The following COP1 variants were observed in gnomAD, a reference collection of about 807,000 sequenced individuals.
COP1 encodes E3 ubiquitin-protein ligase COP1.
In COP1, 24 loss-of-function variants were observed where a neutral mutation model predicts 101.3. That is an observed-to-expected ratio of 0.24 (90% CI 0.17 to 0.33). COP1 has a LOEUF of 0.33. COP1 is among the 10% of genes least tolerant of loss of function. The probability of loss-of-function intolerance (pLI) is 1.00; values close to 1 mark genes in which losing one functional copy is unlikely to be tolerated. For missense variants in COP1, 663 were observed against 906.2 expected (o/e 0.73, Z 3.45); for synonymous variants, 347 against 341.9 (o/e 1.01, Z -0.17).
At chr1:176,072,679 A>G (rs1677216420) in intron 11 of COP1, among the ~76,000 whole-genome samples, 1 of 152,230 alleles carries the variant, frequency 6.6e-6, no homozygotes, top group Non-Finnish European at 1.5e-5. Flanking sequence ...CAAGCACTCT[A>G]CAATAAGGAA....
chr1:175,956,716 C>T (rs986875593), intron 18 of COP1, among the ~76,000 whole-genome samples: 1 of 152,006 alleles, frequency 6.6e-6, no homozygotes, highest in Non-Finnish European at 1.5e-5. Context: ...GATGGTGGTC[C>T]AATAAGATTA....
At chr1:176,136,586 AGCCTAAGCCAAACC>A in intron 6 of COP1, 39 bp from the exon 7 acceptor site, 2 of 1,366,454 alleles carry the variant, frequency 1.5e-6, no homozygotes, top group Non-Finnish European at 2.0e-6. Flanking sequence ...AAAAAAAAAA[AGCCTAAGCCAAACC>A]AAAATGGCAT....
At chr1:176,024,641 C>CAA (rs1667365190) in intron 15 of COP1, among the ~76,000 whole-genome samples, 1 of 152,090 alleles carries the variant, frequency 6.6e-6, no homozygotes, top group Non-Finnish European at 1.5e-5. Flanking sequence ...TACAATAAAG[C>CAA]AAAATGGCAT....
At chr1:176,170,074 G>A (rs1695807559) in intron 3 of COP1, among the ~76,000 whole-genome samples, 1 of 152,172 alleles carries the variant, frequency 6.6e-6, no homozygotes, top group African/African-American at 2.4e-5. Context: ...GATAGTACAG[G>A]AAAATTCAGT....
At chr1:176,057,321 CTCCCTCTCCCTCTCCCCACGGAT>C (rs1341735133) in intron 11 of COP1, among the ~76,000 whole-genome samples, 1 of 152,086 alleles carries the variant, frequency 6.6e-6, no homozygotes, top group Non-Finnish European at 1.5e-5. Flanking sequence ...ACCTCTCCCT[CTCCCTCTCCCTCTCCCCACGGAT>C]TCCCTCTCCC....
At chr1:176,027,817 T>C (rs1322280960) in intron 14 of COP1, 129 bp from the exon 15 acceptor site, 4 of 640,394 alleles carry the variant, frequency 6.2e-6, no homozygotes, top group African/African-American at 1.8e-5. Context: ...TTTGGTTTAC[T>C]AGGACTAAAA....
At chr1:176,165,442 C>A (rs772865351) in intron 3 of COP1, among the ~76,000 whole-genome samples, 84 of 149,388 alleles carry the variant, frequency 5.6e-4, no homozygotes, top group Admixed American at 8.7e-4. Context: ...ATATAGTCAT[C>A]CCAGCACTTT....
chr1:175,955,279 C>G (rs1027231126), intron 18 of COP1, among the ~76,000 whole-genome samples: 3 of 152,076 alleles, frequency 2.0e-5, no homozygotes, highest in African/African-American at 7.2e-5. Flanking sequence ...AATCACAACA[C>G]AGAAAATGCA....
chr1:176,187,528 C>G (rs932863554), intron 1 of COP1, among the ~76,000 whole-genome samples: 3 of 152,058 alleles, frequency 2.0e-5, no homozygotes, highest in African/African-American at 7.2e-5. Context: ...GGATTATAGG[C>G]ATGAGCCACT....
rs1690460959 is a variant in COP1 at position 176,140,248 on chromosome 1, T to A, written c.832-3701A>T. Among the ~76,000 whole-genome samples, 3 of 152,124 alleles carry A rather than the reference T, an allele frequency of 2.0e-5. No homozygotes were observed. In the South Asian group the frequency reaches 6.2e-4, roughly 31 times the overall value. On this transcript the variant is annotated intron_variant, in intron 6 of 19. Coordinates refer to ENST00000367669, the MANE Select transcript of COP1 (RefSeq NM_022457.7). Reference sequence around the variant, plus strand: ...GTGAACCTCATAAAACTGCCAATAATAAAACAATTTTTACTTCAAAAACAG... The same window carrying A: ...GTGAACCTCATAAAACTGCCAATAAAAAAACAATTTTTACTTCAAAAACAG...
In COP1 at chr1:175,989,566, A is replaced by G. The variant is rs181761493; in HGVS notation, c.1730-87T>C. 1,498 of 715,448 alleles carry G rather than the reference A, an allele frequency of 2.1e-3. 15 individuals carry two copies. In the African/African-American group the frequency reaches 0.023, roughly 11 times the overall value. 44.3% of individuals were successfully genotyped at this position (715,448 alleles called of 1,614,324 possible). A position where few individuals can be genotyped will look rare whatever the true frequency, so the allele number is the denominator to read the frequency against. On this transcript the variant is annotated intron_variant, in intron 15 of 19. Transcript: ENST00000367669. ...TAACTGGTTTTTGGTTTTTTCATTA[A>G]AAGTTTCACATATGATGTCTAATCT...
intron 15 of COP1, among the ~76,000 whole-genome samples, chr1:175,994,446 T>G (rs894935258): frequency 6.6e-6 from 1 of 152,122 alleles, no homozygotes; most frequent in Non-Finnish European, 1.5e-5. Flanking sequence ...AGACACAGAC[T>G]GGCAAACTGG....
intron 15 of COP1, among the ~76,000 whole-genome samples, chr1:176,002,799 T>A (rs1196003787): frequency 1.8e-4 from 27 of 151,040 alleles, no homozygotes; most frequent in Non-Finnish European, 3.1e-4. Flanking sequence ...CTATTGTGAA[T>A]AATGCCACAA....
chr1:176,005,731 C>T (rs555828839), intron 15 of COP1, among the ~76,000 whole-genome samples: 4 of 119,924 alleles, frequency 3.3e-5, no homozygotes, highest in South Asian at 6.0e-4. Flanking sequence ...TTGTTATAAT[C>T]TCTGTTCTTT....
At chr1:175,999,299 T>C (rs1347978605) in intron 15 of COP1, among the ~76,000 whole-genome samples, 2 of 152,032 alleles carry the variant, frequency 1.3e-5, no homozygotes, top group East Asian at 3.9e-4. Context: ...CTACTCTCTA[T>C]GTCCATGAGT....
intron 15 of COP1, among the ~76,000 whole-genome samples, chr1:176,013,663 C>T (rs1358035136): frequency 6.6e-6 from 1 of 152,098 alleles, no homozygotes; most frequent in African/African-American, 2.4e-5. Flanking sequence ...CAAAATTAGA[C>T]ACAGAATTTT....
At chr1:176,079,015 G>C (rs1678611089) in intron 11 of COP1, among the ~76,000 whole-genome samples, 1 of 152,094 alleles carries the variant, frequency 6.6e-6, no homozygotes, top group Non-Finnish European at 1.5e-5. Flanking sequence ...GTGAAGAAAA[G>C]GGAATGCTTA....
intron 8 of COP1, among the ~76,000 whole-genome samples, chr1:176,117,137 C>T (rs1476382364): frequency 6.6e-6 from 1 of 152,126 alleles, no homozygotes; most frequent in East Asian, 1.9e-4. Context: ...CTCAAGTTTC[C>T]TCATCTGTAA....
chr1:176,028,748 T>TTTATTA (rs1032092893), intron 14 of COP1, among the ~76,000 whole-genome samples: 1 of 138,354 alleles, frequency 7.2e-6, no homozygotes, highest in Admixed American at 7.3e-5. Context: ...TATTATTCTT[T>TTTATTA]TTATTATTAT....
Sources: allele counts gnomAD v4.1 joint callset (sites outside exome capture counted in the v4.1 genomes callset), GRCh38; gene constraint gnomAD v4.1.1; transcripts MANE v1.5; gene names NCBI Gene and HGNC (gene_info 2026-07-23, HGNC 2026-07-21).